Variants in GLIS3 observed in about 807,000 individuals in gnomAD.
The protein encoded by GLIS3 is GLIS family zinc finger 3, also known as zinc finger protein GLIS3.
GLIS3 carries 53 observed loss-of-function variants against 78.6 expected under a neutral mutation model. That is an observed-to-expected ratio of 0.67 (90% confidence interval 0.54 to 0.85). The LOEUF (loss-of-function observed/expected upper bound fraction) is 0.85. GLIS3 is among the 40% of genes least tolerant of loss of function. The pLI, the probability that GLIS3 is intolerant of heterozygous loss-of-function variation, is 0.00. For synonymous variants in GLIS3, 684 were observed against 509.9 expected, an observed-to-expected ratio of 1.34 and a Z score of -4.60; for missense variants, 1,703 against 1,231.1, an observed-to-expected ratio of 1.38 and a Z score of -5.74.
intron 4 of GLIS3, among the ~76,000 whole-genome samples, chr9:3,953,913 T>C (rs1588304723): frequency 6.6e-6 from 1 of 152,148 alleles, no homozygotes; most frequent in Non-Finnish European, 1.5e-5. Flanking sequence ...TGTGGCTTTA[T>C]GTCTGTAGTA....
At chr9:4,274,518 C>T (rs900439212) in intron 2 of GLIS3, among the ~76,000 whole-genome samples, 5 of 152,156 alleles carry the variant, frequency 3.3e-5, no homozygotes, top group African/African-American at 1.2e-4. Flanking sequence ...AGTCCCCATC[C>T]CTGCCAGAAG....
In GLIS3 at chr9:4,273,686, TTC is replaced by T. The variant is rs571937727; in HGVS notation, c.388+12350_388+12351del. ...TTCAACCTCAGAAGTAAATGCCATT[TTC>T]TGTTCCACCATCTTACGTGTGCCAG... is the stretch of plus-strand genomic sequence containing the variant. On this transcript the variant is annotated intron_variant, in intron 2 of 10. Coordinates refer to ENST00000381971, the MANE Select transcript of GLIS3 (RefSeq NM_001042413.2). Among the ~76,000 whole-genome samples, 426 of 152,304 alleles carry T rather than the reference TTC, an allele frequency of 2.8e-3. 3 individuals are homozygous for T. The highest frequency in any genetic ancestry group is 9.7e-3 in the African/African-American group (402 of 41,550).
At chr9:4,272,858 G>C (rs1203671994) in intron 2 of GLIS3, among the ~76,000 whole-genome samples, 1 of 152,184 alleles carries the variant, frequency 6.6e-6, no homozygotes. Context: ...AGCCAGGATA[G>C]TCCTATGCGT....
At chr9:4,372,886 C>T in the GLIS3 span, among the ~76,000 whole-genome samples, 1 of 152,340 alleles carries the variant, frequency 6.6e-6, no homozygotes, top group South Asian at 2.1e-4. Flanking sequence ...CTCCACCATT[C>T]TTCCCCAGCC....
intron 4 of GLIS3, among the ~76,000 whole-genome samples, chr9:4,109,941 A>G (rs1831077415): frequency 6.6e-6 from 1 of 152,148 alleles, no homozygotes; most frequent in Non-Finnish European, 1.5e-5. Context: ...CCCAAACTCT[A>G]CAGGCATACT....
chr9:3,868,734 C>T (rs1820770889), intron 8 of GLIS3, among the ~76,000 whole-genome samples: 1 of 152,160 alleles, frequency 6.6e-6, no homozygotes, highest in South Asian at 2.1e-4. Flanking sequence ...AAAGCCCAAA[C>T]CCCTAAATGT....
At chr9:3,899,084 A>C in intron 6 of GLIS3, 1 of 538,560 alleles carries the variant, frequency 1.9e-6, no homozygotes, top group Non-Finnish European at 3.3e-6. Flanking sequence ...TGATATTTCC[A>C]CTTCTGGCAA....
At chr9:4,352,490 C>T (rs926071034), upstream of GLIS3, among the ~76,000 whole-genome samples, 1 of 152,282 alleles carries the variant, frequency 6.6e-6, no homozygotes, top group African/African-American at 2.4e-5. Context: ...AACCCAAGGG[C>T]CTTCCCTGAT....
chr9:3,883,099 T>C (rs1821843229), intron 7 of GLIS3, among the ~76,000 whole-genome samples: 1 of 152,262 alleles, frequency 6.6e-6, no homozygotes, highest in South Asian at 2.1e-4. Flanking sequence ...TCAAAAAAAA[T>C]GGACAACACT....
Position 4,040,614 on chromosome 9 carries a change from C to T in GLIS3, c.1710+77154G>A, listed in dbSNP as rs375166534. On this transcript the variant is annotated intron_variant, in intron 4 of 10. Transcript: ENST00000381971. ...ATAGAAGGAATGGAAAAAATCTGAA[C>T]GGGAACTCCCAGCACTTTGGAGAAC... Among the ~76,000 whole-genome samples, 282 of 152,152 alleles carry T rather than the reference C, an allele frequency of 1.9e-3. 1 individual carries two copies. The highest frequency in any genetic ancestry group is 6.5e-3 in the African/African-American group (269 of 41,484).
intron 4 of GLIS3, among the ~76,000 whole-genome samples, chr9:3,999,171 A>G (rs1475068168): frequency 6.6e-6 from 1 of 152,180 alleles, no homozygotes; most frequent in Admixed American, 6.5e-5. Context: ...ATGGTAATTG[A>G]ACCAATCTCT....
At chr9:4,023,991 T>C (rs1823097090) in intron 4 of GLIS3, among the ~76,000 whole-genome samples, 1 of 151,728 alleles carries the variant, frequency 6.6e-6, no homozygotes, top group Admixed American at 6.6e-5. Context: ...AAGACCATGT[T>C]TCATTCATAG....
At chr9:4,181,885 T>C (rs1374031153) in intron 2 of GLIS3, among the ~76,000 whole-genome samples, 2 of 152,192 alleles carry the variant, frequency 1.3e-5, no homozygotes, top group Non-Finnish European at 2.9e-5. Context: ...GAAGCTATCC[T>C]ATGCCATCCA....
chr9:4,413,702 A>G, the GLIS3 span, among the ~76,000 whole-genome samples: 1 of 152,082 alleles, frequency 6.6e-6, no homozygotes, highest in Non-Finnish European at 1.5e-5. Flanking sequence ...ATGGCTCCCT[A>G]ACACGGGGGA....
intron 4 of GLIS3, among the ~76,000 whole-genome samples, chr9:4,028,480 A>G (rs1182507445): frequency 6.6e-6 from 1 of 152,116 alleles, no homozygotes; most frequent in African/African-American, 2.4e-5. Flanking sequence ...TTCTCTTTTC[A>G]TTTTTCAGTA....
At chr9:4,476,767 C>T in the GLIS3 span, among the ~76,000 whole-genome samples, 1 of 151,562 alleles carries the variant, frequency 6.6e-6, no homozygotes, top group African/African-American at 2.4e-5. Context: ...TTTTTAAGAA[C>T]CAAGATTTTC....
At chr9:4,190,563 A>G (rs2131216007) in intron 2 of GLIS3, among the ~76,000 whole-genome samples, 1 of 147,230 alleles carries the variant, frequency 6.8e-6, no homozygotes, top group Non-Finnish European at 1.5e-5. Flanking sequence ...TGATTGGTGT[A>G]CCTGAAAGTG....
At chr9:4,463,558 A>C in the GLIS3 span, among the ~76,000 whole-genome samples, 1 of 152,164 alleles carries the variant, frequency 6.6e-6, no homozygotes, top group African/African-American at 2.4e-5. Context: ...AATTTATACT[A>C]AGGTGTGGGT....
At chr9:4,338,066 A>AG (rs1817778844) in intron 2 of GLIS3, among the ~76,000 whole-genome samples, 1 of 140,072 alleles carries the variant, frequency 7.1e-6, no homozygotes, top group Non-Finnish European at 1.6e-5. Flanking sequence ...GTGTGTGTTT[A>AG]GTTTTGAAAT....
Sources: allele counts gnomAD v4.1 joint callset (sites outside exome capture counted in the v4.1 genomes callset), GRCh38; gene constraint gnomAD v4.1.1; transcripts MANE v1.5; gene names NCBI Gene and HGNC (gene_info 2026-07-23, HGNC 2026-07-21).